Variants in UBE2E1 observed in about 807,000 individuals in gnomAD.
The protein encoded by UBE2E1 is ubiquitin-conjugating enzyme E2 E1.
UBE2E1 carries 6 observed loss-of-function variants against 21.4 expected under a neutral mutation model. The ratio of observed to expected loss-of-function variants is 0.28; its 90% CI spans 0.15 to 0.55. UBE2E1 has a LOEUF of 0.55. UBE2E1 is among the 20% of genes least tolerant of loss of function. The pLI is 0.93. For missense variants in UBE2E1, 142 were observed against 236.5 expected (o/e 0.60, Z 2.62); for synonymous variants, 87 against 82.7 (o/e 1.05, Z -0.28).
At chr3:23,859,700 T>C (rs192675199) in intron 3 of UBE2E1, among the ~76,000 whole-genome samples, 1 of 152,302 alleles carries the variant, frequency 6.6e-6, no homozygotes, top group Admixed American at 6.5e-5. Flanking sequence ...AGATATTCTC[T>C]CCAAAATGGT....
chr3:23,888,084 A>G (rs1017243088), intron 4 of UBE2E1, among the ~76,000 whole-genome samples: 2 of 152,170 alleles, frequency 1.3e-5, no homozygotes, highest in African/African-American at 4.8e-5. Context: ...TTTGAGCCCA[A>G]GAGTTTGAGT....
chr3:23,872,097 G>T (rs1411561039), intron 3 of UBE2E1, among the ~76,000 whole-genome samples: 1 of 152,154 alleles, frequency 6.6e-6, no homozygotes, highest in East Asian at 1.9e-4. Context: ...AGCACTGAGT[G>T]AACCAGACTC....
intron 3 of UBE2E1, among the ~76,000 whole-genome samples, chr3:23,852,407 C>T (rs868197228): frequency 6.6e-6 from 1 of 151,988 alleles, no homozygotes; most frequent in African/African-American, 2.4e-5. Flanking sequence ...ATTACATTTT[C>T]TGATTACTCA....
rs563567132 is a variant in UBE2E1, at chr3:23,808,205, C to T, written c.152+784C>T. Among the ~76,000 whole-genome samples, 57 of 152,112 alleles carry T rather than the reference C, an allele frequency of 3.7e-4. No individual in the cohort carries two copies. Among genetic ancestry groups the T allele is most frequent in the Non-Finnish European group, 7.1e-4 (48 of 68,022 alleles). ...CCCTGAAGGTAGCTACTTTTTATCCCTGCCATCCTAAGCGGTCACCCTTTT... is the reference window on the plus strand; with the variant it reads ...CCCTGAAGGTAGCTACTTTTTATCCTTGCCATCCTAAGCGGTCACCCTTTT... On this transcript the variant is annotated intron_variant, in intron 2 of 5. Coordinates refer to ENST00000306627, the MANE Select transcript of UBE2E1 (RefSeq NM_003341.5). The surrounding 1 kb of genome is among the most constrained non-coding windows in gnomAD (Gnocchi z 4.9).
intron 4 of UBE2E1, among the ~76,000 whole-genome samples, chr3:23,888,510 C>T (rs577156774): frequency 2.6e-5 from 4 of 152,180 alleles, no homozygotes; most frequent in Non-Finnish European, 5.9e-5. Flanking sequence ...GACTTGTGTT[C>T]TGCTGTGGTC....
intron 3 of UBE2E1, among the ~76,000 whole-genome samples, chr3:23,882,284 C>G (rs573870035): frequency 6.6e-6 from 1 of 152,318 alleles, no homozygotes; most frequent in East Asian, 1.9e-4. Context: ...GGTGCGTTTA[C>G]AATCTCTGAG....
Position 23,853,250 on chromosome 3 carries a change from A to G in UBE2E1, c.204-34317A>G, listed in dbSNP as rs543253528. 3.9e-5 allele frequency among the ~76,000 whole-genome samples: 6 copies of G among 152,310 alleles called. No homozygotes were observed. In the East Asian group the frequency reaches 9.6e-4, roughly 24 times the overall value. ...GGCTACAACTTCCAGTAAAATATTG[A>G]ATAGAAGTAGTAAGGGTATCAAGTT... On this transcript the variant is annotated intron_variant, in intron 3 of 5. Transcript: ENST00000306627. This position sits in a 1 kb window ranked among gnomAD's most constrained non-coding sequence, Gnocchi z 4.1.
chr3:23,878,940 AC>A, intron 3 of UBE2E1: 1 of 385,286 alleles, frequency 2.6e-6, no homozygotes, highest in South Asian at 2.1e-5. Flanking sequence ...ATTGTCTTCC[AC>A]AAAAGCAGCC....
At position 23,891,287 on chromosome 3, in the gene UBE2E1, TAAAC is replaced by T. The variant is rs1441196609; in HGVS notation, c.*684_*687del. The T allele has an allele frequency of 1.3e-5, 2 of 152,232 alleles. No individual in the cohort carries two copies. Among genetic ancestry groups the T allele is most frequent in the East Asian group, 3.8e-4 (2 of 5,200 alleles). 9.4% of individuals were successfully genotyped at this position (152,232 alleles called of 1,614,324 possible). A position where few individuals can be genotyped will look rare whatever the true frequency, so the allele number is the denominator to read the frequency against. On this transcript the variant is annotated 3_prime_UTR_variant, in exon 6 of 6. Transcript: ENST00000306627. ...AAGTCTGCATTTGTTACTGTGCTAATAAACAATATTAAAAACCACCTAATAAACA... is the reference window on the plus strand; with the variant it reads ...AAGTCTGCATTTGTTACTGTGCTAATAATATTAAAAACCACCTAATAAACA...
intron 3 of UBE2E1, among the ~76,000 whole-genome samples, chr3:23,843,068 G>C (rs577589376): frequency 2.1e-4 from 31 of 146,960 alleles, no homozygotes; most frequent in African/African-American, 7.4e-4. Flanking sequence ...TGATTATTTG[G>C]CTTAAAGCTT....
At chr3:23,829,164 C>CAA (rs56097157) in intron 3 of UBE2E1, among the ~76,000 whole-genome samples, 70,434 of 127,830 alleles carry the variant, frequency 0.55, 19,332 homozygotes, top group African/African-American at 0.6. Flanking sequence ...GACAGGGCCT[C>CAA]AAAAAAAAAA....
At position 23,816,502 on chromosome 3, in the gene UBE2E1, C is replaced by G. The variant is rs367842392; in HGVS notation, c.203+4992C>G. 1.3e-5 allele frequency among the ~76,000 whole-genome samples: 2 copies of G among 151,884 alleles called. No individual in the cohort carries two copies. The highest frequency in any genetic ancestry group is 4.8e-5 in the African/African-American group (2 of 41,304). On this transcript the variant is annotated intron_variant, in intron 3 of 5. Coordinates refer to ENST00000306627, the MANE Select transcript of UBE2E1 (RefSeq NM_003341.5). The surrounding 1 kb of genome is among the most constrained non-coding windows in gnomAD (Gnocchi z 4.8). ...CAGGCGGATCACGAGGTCAGGAGAT[C>G]GACACCATCGTGGCGAACACAGTGA...
At chr3:23,882,189 C>G (rs1701060528) in intron 3 of UBE2E1, among the ~76,000 whole-genome samples, 2 of 152,158 alleles carry the variant, frequency 1.3e-5, no homozygotes. Context: ...CTGGCCCCAC[C>G]CACATGTTAC....
intron 3 of UBE2E1, among the ~76,000 whole-genome samples, chr3:23,845,601 G>GTGTGTGTGTGTGTGTGTGTT: frequency 6.7e-6 from 1 of 149,678 alleles, no homozygotes; most frequent in Admixed American, 6.7e-5. Context: ...GTGTGTGTGT[G>GTGTGTGTGTGTGTGTGTGTT]TGTGTGTGTG....
intron 3 of UBE2E1, chr3:23,879,151 T>C: frequency 1.5e-6 from 1 of 669,202 alleles, no homozygotes; most frequent in Admixed American, 2.1e-5. Context: ...ATCCTAGTTA[T>C]TTTATGAAGT....
At chr3:23,825,237 G>A (rs1055188896) in intron 3 of UBE2E1, among the ~76,000 whole-genome samples, 2 of 152,154 alleles carry the variant, frequency 1.3e-5, no homozygotes, top group African/African-American at 4.8e-5. Context: ...TGCCCCACCT[G>A]TGTTTCTCTG....
At position 23,853,689 on chromosome 3, in the gene UBE2E1, A is replaced by C. The variant is rs1700375249; in HGVS notation, c.204-33878A>C. 6.6e-6 allele frequency among the ~76,000 whole-genome samples: 1 copy of C among 152,146 alleles called. No homozygotes were observed. The highest frequency in any genetic ancestry group is 2.4e-5 in the African/African-American group (1 of 41,426). ...TTAACTTGTTTCTTGGTAATGAGTG[A>C]ATTGGTGAAAATAACTACATGTACA... On this transcript the variant is annotated intron_variant, in intron 3 of 5. Transcript: ENST00000306627. The surrounding 1 kb of genome is among the most constrained non-coding windows in gnomAD (Gnocchi z 4.1).
At position 23,806,213 on chromosome 3, in the gene UBE2E1, C is replaced by G. The variant is rs1699262184; in HGVS notation, c.-34+125C>G. The G allele has an allele frequency of 7.1e-6, 1 of 140,408 alleles. No homozygotes were observed. The highest frequency in any genetic ancestry group is 7.0e-5 in the Admixed American group (1 of 14,290). The allele number at this position is 140,408 out of a possible 1,614,324, so 8.7% of individuals were successfully genotyped here. A position where few individuals can be genotyped will look rare whatever the true frequency, so the allele number is the denominator to read the frequency against. The stretch of plus-strand genomic sequence containing the variant: ...CGGGCCGCAGGGCACGGGGCCGGCG[C>G]GGGGGGGGAGCGGAGAGGGGCTGGG... On this transcript the variant is annotated intron_variant, in intron 1 of 5. Coordinates refer to ENST00000306627, the MANE Select transcript of UBE2E1 (RefSeq NM_003341.5). This position sits in a 1 kb window ranked among gnomAD's most constrained non-coding sequence, Gnocchi z 6.5.
chr3:23,823,533 C>A lies in UBE2E1; in HGVS notation c.203+12023C>A, dbSNP rs1253092180. 2.6e-5 allele frequency among the ~76,000 whole-genome samples: 4 copies of A among 152,182 alleles called. No individual in the cohort carries two copies. The highest frequency in any genetic ancestry group is 4.8e-5 in the African/African-American group (2 of 41,436). ...CAACCTTTCCTCCTCTATGGGGGTACATCTCAATTTTTAAGTTAATATATT... is the reference window on the plus strand; with the variant it reads ...CAACCTTTCCTCCTCTATGGGGGTAAATCTCAATTTTTAAGTTAATATATT... On this transcript the variant is annotated intron_variant, in intron 3 of 5. Coordinates refer to ENST00000306627, the MANE Select transcript of UBE2E1 (RefSeq NM_003341.5). The surrounding 1 kb of genome is among the most constrained non-coding windows in gnomAD (Gnocchi z 4.2).
Sources: allele counts gnomAD v4.1 joint callset (sites outside exome capture counted in the v4.1 genomes callset), GRCh38; gene constraint gnomAD v4.1.1; non-coding constraint Gnocchi (gnomAD v3.1); transcripts MANE v1.5; gene names NCBI Gene and HGNC (gene_info 2026-07-23, HGNC 2026-07-21).